Variants in RADIL observed in about 807,000 individuals in gnomAD.
RADIL encodes the protein Rap associating with DIL domain, also known as ras-associating and dilute domain-containing protein.
A neutral mutation model predicts 97.6 loss-of-function variants in RADIL; 99 were observed. The ratio of observed to expected loss-of-function variants is 1.01; its 90% CI spans 0.86 to 1.20. RADIL has a LOEUF of 1.20. Among genes scored for constraint, RADIL ranks in the 50% most tolerant of loss-of-function variants. RADIL has a pLI of 0.00. For synonymous variants in RADIL, 803 were observed against 691.8 expected (o/e 1.16, Z -2.52); for missense variants, 1,765 against 1,498.9 (o/e 1.18, Z -2.93).
intron 10 of RADIL, 80 bp downstream of exon 10, chr7:4,805,486 A>G: frequency 6.8e-7 from 1 of 1,459,868 alleles, no homozygotes; most frequent in Non-Finnish European, 9.1e-7. Flanking sequence ...TTCAGTTGGG[A>G]TGAGAGCATG....
intron 2 of RADIL, among the ~76,000 whole-genome samples, chr7:4,877,396 C>CT (rs1784397733): frequency 6.6e-6 from 1 of 152,250 alleles, no homozygotes; most frequent in African/African-American, 2.4e-5. Context: ...GGTTGCACCA[C>CT]TGCACTCCAG....
In RADIL at chr7:4,840,953, C is replaced by T. The variant is rs535763289; in HGVS notation, c.536-4348G>A. ...CTGCACTCCAGCCTGGGTGACAGAG[C>T]GAGACTCCGTCTCAAAACAAAACAA... On this transcript the variant is annotated intron_variant, in intron 2 of 14. Transcript: ENST00000399583. The surrounding 1 kb of genome is among the most constrained non-coding windows in gnomAD (Gnocchi z 5.6). 1.3e-5 allele frequency among the ~76,000 whole-genome samples: 2 copies of T among 152,240 alleles called. No individual in the cohort carries two copies. Among genetic ancestry groups the T allele is most frequent in the African/African-American group, 2.4e-5 (1 of 41,558 alleles).
At chr7:4,860,187 T>C (rs755342351) in intron 2 of RADIL, 5 of 1,614,034 alleles carry the variant, frequency 3.1e-6, no homozygotes, top group Non-Finnish European at 4.2e-6. Context: ...GTCTTCATAG[T>C]GCTAGTAGAT....
In RADIL at chr7:4,799,709, C is replaced by T. The variant is rs768616936; in HGVS notation, c.3043G>A (p.Ala1015Thr). 3.8e-5 allele frequency: 59 copies of T among 1,570,796 alleles called. 1 individual carries two copies. The East Asian group carries it at 5.8e-4, about 16-fold the overall frequency. ...CCCAGCGACAGGCGCCCGTCGGCCG[C>T]TGCGGGGCTGCCCGGGAGCAGGGTC... Reference protein sequence around the residue: ...IQTLLPGSPAAADGRLSLGDR... With the variant: ...IQTLLPGSPATADGRLSLGDR... Residue 1015 changes from alanine (A) to threonine (T), a missense_variant, in exon 14 of 15, where the codon GCG (alanine) becomes ACG (threonine). Coordinates refer to ENST00000399583, the MANE Select transcript of RADIL (RefSeq NM_018059.5).
chr7:4,865,763 T>C, intron 2 of RADIL: 1 of 1,060,346 alleles, frequency 9.4e-7, no homozygotes, highest in Non-Finnish European at 1.5e-6. Context: ...TGCTTATTTT[T>C]TTTGCCCCCC....
intron 9 of RADIL, among the ~76,000 whole-genome samples, chr7:4,807,054 G>A (rs770643097): frequency 2.0e-5 from 3 of 152,040 alleles, no homozygotes; most frequent in South Asian, 4.1e-4. Context: ...CCTTCCCCGC[G>A]CCCTCCACCC....
chr7:4,827,417 T>A (rs1275960285), intron 5 of RADIL, among the ~76,000 whole-genome samples: 1 of 150,056 alleles, frequency 6.7e-6, no homozygotes, highest in Non-Finnish European at 1.5e-5. Flanking sequence ...CCCAGCACTT[T>A]GGGAGGCCGA....
In RADIL at chr7:4,859,776, A is replaced by G. The variant is rs958690206; in HGVS notation, c.535+17829T>C. 19 of 638,776 alleles carry G rather than the reference A, an allele frequency of 3.0e-5. No homozygotes were observed. In the African/African-American group the frequency reaches 3.5e-4, roughly 12 times the overall value. The allele number at this position is 638,776 out of a possible 1,614,324, so 39.6% of individuals were successfully genotyped here. On this transcript the variant is annotated intron_variant, in intron 2 of 14. Coordinates refer to ENST00000399583, the MANE Select transcript of RADIL (RefSeq NM_018059.5). ...ATGTTCCCTGAGAGGCCAATAGAGA[A>G]GATGCTGTCTGAATTTTTCTAATGG...
rs564018706 is a variant in RADIL, at chr7:4,799,535, C to A, written c.3123-52G>T. 42 of 1,612,922 alleles carry A rather than the reference C, an allele frequency of 2.6e-5. No individual in the cohort carries two copies. The Admixed American group carries it at 5.3e-4, about 20-fold the overall frequency. On this transcript the variant is annotated intron_variant, in intron 14 of 14. Coordinates refer to ENST00000399583, the MANE Select transcript of RADIL (RefSeq NM_018059.5). ...GGGCAGGAGGGCACCAGGGGAGACC[C>A]ACAGGGTGCAGCCGGGCCTCTCCTT... is the stretch of plus-strand genomic sequence containing the variant.
At chr7:4,847,327 A>C (rs1171093990) in intron 2 of RADIL, among the ~76,000 whole-genome samples, 1 of 152,154 alleles carries the variant, frequency 6.6e-6, no homozygotes, top group Non-Finnish European at 1.5e-5. Context: ...CTCACCAAAC[A>C]ACAACAACAA....
In RADIL at chr7:4,821,305, G is replaced by A. The variant is rs1782824309; in HGVS notation, c.1615+1089C>T. Among the ~76,000 whole-genome samples the A allele has an allele frequency of 6.6e-6, 1 of 152,144 alleles. No homozygotes were observed. Among genetic ancestry groups the A allele is most frequent in the Non-Finnish European group, 1.5e-5 (1 of 68,006 alleles). ...AGTGGGTGGACAGCAAGGCCGTTGG[G>A]GGCAGAACCAAGGCTTCCCATGAGA... On this transcript the variant is annotated intron_variant, in intron 6 of 14. Transcript: ENST00000399583. This position sits in a 1 kb window ranked among gnomAD's most constrained non-coding sequence, Gnocchi z 5.2.
intron 9 of RADIL, chr7:4,809,271 G>C: frequency 5.1e-6 from 5 of 985,342 alleles, no homozygotes; most frequent in Non-Finnish European, 6.0e-6. Flanking sequence ...CGAGAGGCCG[G>C]GGCCCCCCTT....
At position 4,801,906 on chromosome 7, in the gene RADIL, C is replaced by G; in HGVS notation, c.2589G>C (p.Val863=). The G allele has an allele frequency of 6.4e-7, 1 of 1,572,374 alleles. No homozygotes were observed. The highest frequency in any genetic ancestry group is 8.6e-7 in the Non-Finnish European group (1 of 1,160,366). ...TCAAGGGAAGAGTACGCTCCGGGGC[C>G]ACTTCCCGGGCTGCTGGGCCAGGGT... is the stretch of plus-strand genomic sequence containing the variant. ...PRDPGPAARE[V]APERTLPLRG... is the part of the protein sequence containing the mutation. Residue 863 remains valine (V), a synonymous_variant, in exon 12 of 15, where the codon GTG becomes GTC. Coordinates refer to ENST00000399583, the MANE Select transcript of RADIL (RefSeq NM_018059.5).
intron 9 of RADIL, among the ~76,000 whole-genome samples, chr7:4,812,179 C>A (rs984120012): frequency 6.6e-6 from 1 of 152,136 alleles, no homozygotes; most frequent in Non-Finnish European, 1.5e-5. Context: ...CCACACCTGG[C>A]CTTTCAGTTT....
intron 2 of RADIL, among the ~76,000 whole-genome samples, chr7:4,851,227 A>C (rs1233339194): frequency 1.3e-5 from 2 of 152,004 alleles, no homozygotes; most frequent in African/African-American, 4.8e-5. Context: ...AGAAAAGAAA[A>C]GAAAAGTTCG....
At position 4,802,010 on chromosome 7, in the gene RADIL, G is replaced by A. The variant is rs775070672; in HGVS notation, c.2500-15C>T. ...TGGTGCATACCCTAGGGAGAGGAAG[G>A]GTGACAGCTCAGGTAGAGGAGTGGC... On this transcript the variant is annotated splice_polypyrimidine_tract_variant and intron_variant, in intron 11 of 14. Coordinates refer to ENST00000399583, the MANE Select transcript of RADIL (RefSeq NM_018059.5). The A allele has an allele frequency of 2.0e-5, 29 of 1,484,612 alleles. No homozygotes were observed. Among genetic ancestry groups the A allele is most frequent in the Non-Finnish European group, 2.5e-5 (28 of 1,117,430 alleles). 92.0% of individuals were successfully genotyped at this position (1,484,612 alleles called of 1,614,324 possible). A position where few individuals can be genotyped will look rare whatever the true frequency, so the allele number is the denominator to read the frequency against.
chr7:4,802,239 C>T (rs1388118316), intron 11 of RADIL, among the ~76,000 whole-genome samples: 3 of 152,222 alleles, frequency 2.0e-5, no homozygotes, highest in African/African-American at 7.2e-5. Context: ...TGCCCCCAGC[C>T]CAGCTTCCAA....
In RADIL at chr7:4,867,256, A is replaced by G. The variant is rs10240422; in HGVS notation, c.535+10349T>C. Among the ~76,000 whole-genome samples the G allele has an allele frequency of 0.27, 41,645 of 152,086 alleles. 6,120 individuals carry two copies. Among genetic ancestry groups the G allele is most frequent in the South Asian group, 0.39 (1,896 of 4,816 alleles). ...GTCCAGCCATGCTCACCAGGAAATG[A>G]CATGCACATATGCTCTGTAATCCAG... On this transcript the variant is annotated intron_variant, in intron 2 of 14. Coordinates refer to ENST00000399583, the MANE Select transcript of RADIL (RefSeq NM_018059.5). This position sits in a 1 kb window ranked among gnomAD's most constrained non-coding sequence, Gnocchi z 4.1.
intron 2 of RADIL, among the ~76,000 whole-genome samples, chr7:4,875,899 C>T (rs566756379): frequency 2.6e-5 from 4 of 152,216 alleles, no homozygotes; most frequent in South Asian, 2.1e-4. Context: ...CCAGAAGTGG[C>T]GACCTCTGGG....
Sources: gnomAD v4.1 joint callset for allele counts (sites outside exome capture counted in the v4.1 genomes callset) on GRCh38, gnomAD v4.1.1 for gene constraint, Gnocchi (gnomAD v3.1) non-coding constraint, MANE v1.5 for transcripts, NCBI Gene and HGNC (gene_info 2026-07-23, HGNC 2026-07-21) for gene names.